Variants in GUCY2F observed in about 807,000 individuals in gnomAD.
GUCY2F encodes retinal guanylyl cyclase 2.
A neutral mutation model predicts 73.1 loss-of-function variants in GUCY2F; 61 were observed. The ratio of observed to expected loss-of-function variants is 0.83; its 90% CI spans 0.68 to 1.03. GUCY2F has a LOEUF of 1.03. Ranked by LOEUF, GUCY2F falls within the 50% of genes least tolerant of loss-of-function variation. GUCY2F has a pLI of 0.00. For synonymous variants in GUCY2F, 331 were observed against 307.8 expected (o/e 1.08, Z -0.79); for missense variants, 912 against 854.3 (o/e 1.07, Z -0.84).
chrX:109,398,840 C>T (rs979155026), intron 10 of GUCY2F, 142 bp from the exon 11 acceptor site: 9 of 499,002 alleles, frequency 1.8e-5, no homozygotes, highest in Admixed American at 1.1e-4. Context: ...CCCCCCATCC[C>T]CCAGGGTCTG....
At chrX:109,397,741 G>T (rs773326798) in intron 11 of GUCY2F, among the ~76,000 whole-genome samples, 4 of 111,371 alleles carry the variant, frequency 3.6e-5, no homozygotes, top group Non-Finnish European at 7.5e-5. Flanking sequence ...TGTCTTTCAT[G>T]ACTTAGATGC....
chrX:109,473,928 ATAAT>A (rs1932625333), intron 2 of GUCY2F, among the ~76,000 whole-genome samples: 1 of 112,452 alleles, frequency 8.9e-6, no homozygotes, highest in African/African-American at 3.2e-5. Flanking sequence ...GTCTTTCAAA[ATAAT>A]TCTATGCTCT....
chrX:109,438,225 A>T (rs1931796903), intron 7 of GUCY2F, among the ~76,000 whole-genome samples: 1 of 112,350 alleles, frequency 8.9e-6, no homozygotes, highest in Non-Finnish European at 1.9e-5. Flanking sequence ...TGCTTTCAAG[A>T]TGATGCCTTG....
intron 3 of GUCY2F, among the ~76,000 whole-genome samples, chrX:109,463,040 T>A (rs1388246320): frequency 8.9e-6 from 1 of 111,980 alleles, no homozygotes; most frequent in African/African-American, 3.2e-5. Context: ...ATTGTTAATA[T>A]CTCTGTTATT....
At chrX:109,406,213 T>A (rs16985732) in intron 9 of GUCY2F, among the ~76,000 whole-genome samples, 11,673 of 111,504 alleles carry the variant, frequency 0.1, 1,453 homozygotes, top group African/African-American at 0.36. Flanking sequence ...CTGTCAGGAA[T>A]CTTTGGCTCA....
chrX:109,431,011 A>G (rs940175323), intron 7 of GUCY2F, among the ~76,000 whole-genome samples: 1 of 111,418 alleles, frequency 9.0e-6, no homozygotes, highest in African/African-American at 3.3e-5. Flanking sequence ...AGTAATCTAG[A>G]GTCTTCCAAA....
At chrX:109,464,100 T>G (rs1932418470) in intron 3 of GUCY2F, among the ~76,000 whole-genome samples, 1 of 112,621 alleles carries the variant, frequency 8.9e-6, no homozygotes, top group African/African-American at 3.2e-5. Flanking sequence ...TTGTTCTAAG[T>G]ACTTTTGAAA....
At chrX:109,447,576 G>GAGA (rs1932045284) in intron 6 of GUCY2F, among the ~76,000 whole-genome samples, 1 of 95,829 alleles carries the variant, frequency 1.0e-5, no homozygotes, top group South Asian at 5.5e-4. Context: ...ATTGAACAGT[G>GAGA]AGAACACTTG....
intron 14 of GUCY2F, among the ~76,000 whole-genome samples, chrX:109,391,554 T>A (rs916707262): frequency 1.8e-5 from 2 of 111,812 alleles, no homozygotes; most frequent in Non-Finnish European, 3.8e-5. Flanking sequence ...TTCCTCTTTA[T>A]CCCCTTCAGT....
chrX:109,474,638 C>G (rs756050314), intron 2 of GUCY2F, among the ~76,000 whole-genome samples: 1 of 111,549 alleles, frequency 9.0e-6, no homozygotes, highest in Admixed American at 9.5e-5. Context: ...CAGCTAGGTG[C>G]CCCCCATATC....
intron 14 of GUCY2F, among the ~76,000 whole-genome samples, chrX:109,390,758 A>G (rs766848335): frequency 5.3e-5 from 6 of 112,641 alleles, no homozygotes; most frequent in Non-Finnish European, 9.4e-5. Flanking sequence ...ACAAGTTAAG[A>G]CAGGTACTCT....
intron 12 of GUCY2F, among the ~76,000 whole-genome samples, chrX:109,395,121 A>G (rs944193285): frequency 8.9e-6 from 1 of 112,054 alleles, no homozygotes; most frequent in Non-Finnish European, 1.9e-5. Context: ...CAGACACAGA[A>G]GAACACTAGA....
chrX:109,373,553 T>G (rs1218275960), intron 19 of GUCY2F, among the ~76,000 whole-genome samples: 1 of 112,204 alleles, frequency 8.9e-6, no homozygotes, highest in Non-Finnish European at 1.9e-5. Flanking sequence ...TTCACCCTTC[T>G]TCTATTTCCC....
intron 11 of GUCY2F, among the ~76,000 whole-genome samples, chrX:109,397,635 C>T (rs1451998710): frequency 6.3e-5 from 7 of 111,412 alleles, no homozygotes; most frequent in Admixed American, 2.9e-4. Flanking sequence ...CCTTAATGTC[C>T]TTTTTCTGTT....
At chrX:109,390,653 G>A (rs1930538672) in intron 14 of GUCY2F, among the ~76,000 whole-genome samples, 1 of 112,810 alleles carries the variant, frequency 8.9e-6, no homozygotes, top group Non-Finnish European at 1.9e-5. Flanking sequence ...TAAACCAGTA[G>A]CTGTGTTACA....
intron 2 of GUCY2F, among the ~76,000 whole-genome samples, chrX:109,471,495 G>A (rs1932573649): frequency 8.9e-6 from 1 of 112,359 alleles, no homozygotes; most frequent in Non-Finnish European, 1.9e-5. Flanking sequence ...ACTTCCAACA[G>A]GGTTCATGGT....
At chrX:109,449,672 T>C (rs1932096273) in intron 5 of GUCY2F, among the ~76,000 whole-genome samples, 1 of 112,210 alleles carries the variant, frequency 8.9e-6, no homozygotes, top group East Asian at 2.8e-4. Flanking sequence ...CATTACCTGC[T>C]TTATAGAGTT....
In GUCY2F at chrX:109,409,040, C is replaced by T. The variant is rs748051468; in HGVS notation, c.1920G>A (p.Val640=). 3.5e-6 allele frequency: 4 copies of T among 1,140,724 alleles called. No homozygotes were observed. The highest frequency in any genetic ancestry group is 3.6e-5 in the South Asian group (2 of 55,116). 94.0% of individuals were successfully genotyped at this position (1,140,724 alleles called of 1,213,427 possible). A position where few individuals can be genotyped will look rare whatever the true frequency, so the allele number is the denominator to read the frequency against. Residue 640 remains valine (V), a synonymous_variant, in exon 9 of 20, where the codon GTG becomes GTA. Transcript: ENST00000218006. ...SLEDILTNQD[V]KLDWMFKSSL... Reference sequence around the variant, plus strand: ...ATGATTTAAACATCCAGTCAAGTTTCACATCTTGATTTGTCAGTATGTCTT... The same window carrying T: ...ATGATTTAAACATCCAGTCAAGTTTTACATCTTGATTTGTCAGTATGTCTT...
chrX:109,436,122 A>G (rs1183305753), intron 7 of GUCY2F, among the ~76,000 whole-genome samples: 2 of 111,956 alleles, frequency 1.8e-5, no homozygotes, highest in African/African-American at 6.5e-5. Flanking sequence ...AAAGTGGGCA[A>G]AGGATATGAA....
Sources: allele counts gnomAD v4.1 joint callset (sites outside exome capture counted in the v4.1 genomes callset), GRCh38; gene constraint gnomAD v4.1.1; transcripts MANE v1.5; gene names NCBI Gene and HGNC (gene_info 2026-07-23, HGNC 2026-07-21).